MYO10: variants seen among roughly 807,000 people sequenced by gnomAD.
The protein encoded by MYO10 is myosin X.
A neutral mutation model predicts 257.3 loss-of-function variants in MYO10; 133 were observed. The observed-to-expected ratio is 0.52, with a 90% CI of 0.45 to 0.60. The LOEUF (loss-of-function observed/expected upper bound fraction) is 0.60, where lower values mean the gene tolerates loss of function less well. MYO10 is among the 20% of genes least tolerant of loss of function. The probability of loss-of-function intolerance (pLI) is 0.00; values close to 1 mark genes in which losing one functional copy is unlikely to be tolerated. For missense variants in MYO10, 2,399 were observed against 2,635.7 expected (o/e 0.91, Z 1.97); for synonymous variants, 1,104 against 1,028.6 (o/e 1.07, Z -1.40).
intron 2 of MYO10, among the ~76,000 whole-genome samples, chr5:16,860,739 C>T (rs1210453978): frequency 6.7e-6 from 1 of 148,726 alleles, no homozygotes; most frequent in Non-Finnish European, 1.5e-5. Flanking sequence ...CAGATGAGGG[C>T]CCGTGATGAA....
At chr5:16,691,405 A>G (rs1479025807) in intron 27 of MYO10, among the ~76,000 whole-genome samples, 1 of 150,796 alleles carries the variant, frequency 6.6e-6, no homozygotes, top group Non-Finnish European at 1.5e-5. Flanking sequence ...TTTAAAAAAA[A>G]ATCAAGATCA....
At chr5:16,717,738 A>AC (rs1738932670) in intron 19 of MYO10, among the ~76,000 whole-genome samples, 1 of 44,192 alleles carries the variant, frequency 2.3e-5, no homozygotes, top group African/African-American at 7.2e-5. Flanking sequence ...TCTTTGACCC[A>AC]CGGGGATTTA....
At chr5:16,700,398 C>T (rs1378009432) in intron 25 of MYO10, among the ~76,000 whole-genome samples, 2 of 152,098 alleles carry the variant, frequency 1.3e-5, no homozygotes, top group African/African-American at 2.4e-5. Flanking sequence ...AGTTTTAAGC[C>T]GGGCATGGTG....
At chr5:16,691,036 G>A (rs1737475553) in intron 27 of MYO10, among the ~76,000 whole-genome samples, 1 of 151,990 alleles carries the variant, frequency 6.6e-6, no homozygotes, top group Non-Finnish European at 1.5e-5. Flanking sequence ...TTGGGAGGCT[G>A]AGGCGGGCGG....
chr5:16,668,269 C>T lies in MYO10; in HGVS notation c.6075+8G>A. 1 of 1,604,760 alleles carries T rather than the reference C, an allele frequency of 6.2e-7. No individual in the cohort carries two copies. On this transcript the variant is annotated splice_region_variant and intron_variant, in intron 40 of 40. Coordinates refer to ENST00000513610, the MANE Select transcript of MYO10 (RefSeq NM_012334.3). ...TGAATAAAAAGATGAACTTGCTTTG[C>T]CTCTTACCTCACTGGTTTCAAAGAG... is the stretch of plus-strand genomic sequence containing the variant.
chr5:16,851,621 A>C (rs1743803416), intron 2 of MYO10, among the ~76,000 whole-genome samples: 1 of 152,214 alleles, frequency 6.6e-6, no homozygotes, highest in Non-Finnish European at 1.5e-5. Context: ...TTTGAGGATG[A>C]AGGATGTGAA....
At chr5:16,796,968 G>T (rs10054596) in intron 3 of MYO10, among the ~76,000 whole-genome samples, 6,771 of 135,476 alleles carry the variant, frequency 0.05, 540 homozygotes, top group African/African-American at 0.17. Context: ...ATACACCCAG[G>T]GGGGTTGGCG....
chr5:16,772,897 G>C (rs2126660922), intron 9 of MYO10, among the ~76,000 whole-genome samples: 1 of 152,306 alleles, frequency 6.6e-6, no homozygotes, highest in East Asian at 1.9e-4. Flanking sequence ...TAGATCAGTA[G>C]TTTCCTAGGG....
intron 2 of MYO10, among the ~76,000 whole-genome samples, chr5:16,824,691 A>G (rs1351341283): frequency 6.6e-6 from 1 of 152,150 alleles, no homozygotes; most frequent in Non-Finnish European, 1.5e-5. Context: ...ACATGGTGAA[A>G]CCCTGTCTCT....
intron 1 of MYO10, among the ~76,000 whole-genome samples, chr5:16,882,957 C>T (rs995940875): frequency 7.0e-6 from 1 of 142,740 alleles, no homozygotes; most frequent in Admixed American, 6.7e-5. Context: ...ACTCTGTCAC[C>T]CAGGCTGGAA....
Position 16,818,116 on chromosome 5 carries a change from G to A in MYO10, c.172C>T (p.His58Tyr), listed in dbSNP as rs759706478. 6.2e-7 allele frequency: 1 copy of A among 1,609,634 alleles called. No individual in the cohort carries two copies. Among genetic ancestry groups the A allele is most frequent in the South Asian group, 1.1e-5 (1 of 90,468 alleles). The change falls in exon 3 of 41, where the codon CAC becomes TAC. Residue 58 changes from histidine (H) to tyrosine (Y), a missense_variant. This residue lies in a region of MYO10 where 242 missense variants were observed against 249.5 expected (regional missense o/e 0.97). Coordinates refer to ENST00000513610, the MANE Select transcript of MYO10 (RefSeq NM_012334.3). ...TITHQKVTAM[H>Y]PTNEEGVDDM... ...TCCACGCCCTCCTCGTTCGTGGGGT[G>A]CATAGCAGTCACCTTCTGGTGGGTA...
intron 1 of MYO10, among the ~76,000 whole-genome samples, chr5:16,884,741 A>G (rs1399717881): frequency 1.3e-5 from 2 of 151,934 alleles, no homozygotes; most frequent in African/African-American, 4.8e-5. Context: ...TTATTACTCA[A>G]AGACACATCA....
At chr5:16,753,538 T>G (rs1225719370) in intron 19 of MYO10, among the ~76,000 whole-genome samples, 2 of 145,390 alleles carry the variant, frequency 1.4e-5, no homozygotes, top group Non-Finnish European at 1.5e-5. Flanking sequence ...GTGGCAGATC[T>G]TGGCTCACTG....
rs1048536299 is a variant in MYO10 at position 16,663,089 on chromosome 5, G to A, written c.*3603C>T. The A allele has an allele frequency of 6.6e-6, 1 of 152,114 alleles. No homozygotes were observed. Among genetic ancestry groups the A allele is most frequent in the East Asian group, 1.9e-4 (1 of 5,194 alleles). The allele number at this position is 152,114 out of a possible 1,614,324, so 9.4% of individuals were successfully genotyped here. A position where few individuals can be genotyped will look rare whatever the true frequency, so the allele number is the denominator to read the frequency against. ...TCAAAAAGAATAAGGCAATTCTATA[G>A]GTATTAATGTAGGATTAGAGCTAAA... On this transcript the variant is annotated 3_prime_UTR_variant, in exon 41 of 41. Coordinates refer to ENST00000513610, the MANE Select transcript of MYO10 (RefSeq NM_012334.3).
intron 2 of MYO10, among the ~76,000 whole-genome samples, chr5:16,859,799 G>T (rs1490039825): frequency 1.3e-5 from 2 of 152,042 alleles, no homozygotes; most frequent in African/African-American, 4.8e-5. Flanking sequence ...CCATGGCAAG[G>T]CCCTTCCACA....
At chr5:16,896,723 T>C (rs1011675711) in intron 1 of MYO10, among the ~76,000 whole-genome samples, 9 of 152,150 alleles carry the variant, frequency 5.9e-5, no homozygotes, top group African/African-American at 1.2e-4. Flanking sequence ...AGCTGGATCT[T>C]AGCAGCCCCC....
At chr5:16,888,331 C>T (rs1744950133) in intron 1 of MYO10, among the ~76,000 whole-genome samples, 1 of 150,066 alleles carries the variant, frequency 6.7e-6, no homozygotes, top group Non-Finnish European at 1.5e-5. Flanking sequence ...GAGTTCAAGA[C>T]CACCCTAGGC....
intron 2 of MYO10, among the ~76,000 whole-genome samples, chr5:16,835,503 T>G (rs927508008): frequency 6.2e-5 from 9 of 144,558 alleles, no homozygotes; most frequent in East Asian, 2.0e-4. Flanking sequence ...TTTTTTTTTT[T>G]TTTTTTTTTT....
chr5:16,685,713 C>A (rs1256078293), intron 29 of MYO10, 25 bp downstream of exon 29: 5 of 1,548,966 alleles, frequency 3.2e-6, no homozygotes, highest in Admixed American at 1.9e-5. Context: ...ACGCCCCACC[C>A]CCATCCCACA....
Sources: gnomAD v4.1 joint callset for allele counts (sites outside exome capture counted in the v4.1 genomes callset) on GRCh38, gnomAD v4.1.1 for gene constraint, gnomAD v4.1.1 regional missense constraint, MANE v1.5 for transcripts, NCBI Gene and HGNC (gene_info 2026-07-23, HGNC 2026-07-21) for gene names.